Variants in ZDHHC3 observed in about 807,000 individuals in gnomAD.
The protein encoded by ZDHHC3 is zDHHC palmitoyltransferase 3.
In ZDHHC3, 9 loss-of-function variants were observed where a neutral mutation model predicts 30.6. The ratio of observed to expected loss-of-function variants is 0.29; its 90% CI spans 0.18 to 0.51. The LOEUF is 0.51. Among genes scored for constraint, ZDHHC3 ranks in the 20% least tolerant of loss-of-function variants. The probability of loss-of-function intolerance (pLI) is 0.97; values close to 1 mark genes in which losing one functional copy is unlikely to be tolerated. For synonymous variants in ZDHHC3, 136 were observed against 140.2 expected (o/e 0.97, Z 0.21); for missense variants, 246 against 384.2 (o/e 0.64, Z 3.01).
chr3:44,947,646 G>A (rs1009668563), intron 2 of ZDHHC3, among the ~76,000 whole-genome samples: 3 of 152,200 alleles, frequency 2.0e-5, no homozygotes, highest in Non-Finnish European at 4.4e-5. Flanking sequence ...AACTACAGAT[G>A]CCTAGACTCT....
chr3:44,966,917 T>G (rs905010114), intron 1 of ZDHHC3, among the ~76,000 whole-genome samples: 3 of 152,142 alleles, frequency 2.0e-5, no homozygotes, highest in African/African-American at 4.8e-5. Context: ...GTGCCTTATC[T>G]TCTGCGGCAC....
At chr3:44,961,197 C>T (rs764225095) in intron 1 of ZDHHC3, among the ~76,000 whole-genome samples, 1 of 152,178 alleles carries the variant, frequency 6.6e-6, no homozygotes, top group Non-Finnish European at 1.5e-5. Flanking sequence ...TTGAGACCAT[C>T]CTGGCTAACA....
At chr3:44,952,060 C>T (rs1228019974) in intron 2 of ZDHHC3, among the ~76,000 whole-genome samples, 3 of 152,198 alleles carry the variant, frequency 2.0e-5, no homozygotes, top group Non-Finnish European at 4.4e-5. Context: ...CCAACTCAGA[C>T]CTCTTGAATC....
chr3:44,927,323 G>A (rs149710026), intron 6 of ZDHHC3, among the ~76,000 whole-genome samples: 2 of 152,312 alleles, frequency 1.3e-5, no homozygotes, highest in African/African-American at 4.8e-5. Flanking sequence ...TAGGAAGTTT[G>A]AAGCTACCAT....
Position 44,919,363 on chromosome 3 carries a change from C to T in ZDHHC3, c.*7326G>A, listed in dbSNP as rs962509451. On this transcript the variant is annotated 3_prime_UTR_variant, in exon 7 of 7. Transcript: ENST00000424952. ...CTAATCATGAGAAAAACATCAAAAA[C>T]ACAATCTGAAGGACAGCCTACAGAA... 1 of 153,746 alleles carries T rather than the reference C, an allele frequency of 6.5e-6. No individual in the cohort carries two copies. Among genetic ancestry groups the T allele is most frequent in the African/African-American group, 2.4e-5 (1 of 41,468 alleles). 9.5% of individuals were successfully genotyped at this position (153,746 alleles called of 1,614,324 possible). A position where few individuals can be genotyped will look rare whatever the true frequency, so the allele number is the denominator to read the frequency against.
Position 44,918,009 on chromosome 3 carries a change from G to T in ZDHHC3, c.*8680C>A, listed in dbSNP as rs759507353. On this transcript the variant is annotated 3_prime_UTR_variant, in exon 7 of 7. Coordinates refer to ENST00000424952, the MANE Select transcript of ZDHHC3 (RefSeq NM_001135179.2). ...GCCGCACCATGTCTTTGTCACTGGG[G>T]ATCTCTGGCTGACACGGTCTGGAGA... is the stretch of plus-strand genomic sequence containing the variant. The T allele has an allele frequency of 7.7e-7, 1 of 1,305,466 alleles. No individual in the cohort carries two copies. Among genetic ancestry groups the T allele is most frequent in the South Asian group, 1.2e-5 (1 of 81,030 alleles). The allele number at this position is 1,305,466 out of a possible 1,614,324, so 80.9% of individuals were successfully genotyped here. A position where few individuals can be genotyped will look rare whatever the true frequency, so the allele number is the denominator to read the frequency against.
At chr3:44,955,467 A>ATT (rs1703864973) in intron 2 of ZDHHC3, among the ~76,000 whole-genome samples, 1 of 147,380 alleles carries the variant, frequency 6.8e-6, no homozygotes, top group African/African-American at 2.5e-5. Flanking sequence ...TTATATATAT[A>ATT]TATATATATG....
rs1253117651 is a variant in ZDHHC3 at position 44,920,251 on chromosome 3, C to G, written c.*6438G>C. On this transcript the variant is annotated 3_prime_UTR_variant, in exon 7 of 7. Coordinates refer to ENST00000424952, the MANE Select transcript of ZDHHC3 (RefSeq NM_001135179.2). ...GCTTCCTGACTGGCCCCTCGCCAGG[C>G]CTCCCTTCTTGGCACAGAAGCAGTG... The G allele has an allele frequency of 2.3e-6, 3 of 1,289,930 alleles. No individual in the cohort carries two copies. The highest frequency in any genetic ancestry group is 3.0e-6 in the Non-Finnish European group (3 of 988,906). The allele number at this position is 1,289,930 out of a possible 1,614,324, so 79.9% of individuals were successfully genotyped here. A position where few individuals can be genotyped will look rare whatever the true frequency, so the allele number is the denominator to read the frequency against.
At chr3:44,969,549 A>G (rs182825354) in intron 1 of ZDHHC3, 5 of 152,352 alleles carry the variant, frequency 3.3e-5, no homozygotes, top group Non-Finnish European at 7.3e-5. Flanking sequence ...TTGTCTAGTA[A>G]CTAGAAAATA....
intron 2 of ZDHHC3, among the ~76,000 whole-genome samples, chr3:44,946,360 C>T (rs1702932070): frequency 6.6e-6 from 1 of 152,158 alleles, no homozygotes; most frequent in South Asian, 2.1e-4. Flanking sequence ...CCCATCCAAA[C>T]AGAAGGAAAA....
chr3:44,923,823 A>C lies in ZDHHC3; in HGVS notation c.*2866T>G, dbSNP rs184612070. ...GTCTCAAACAAAAAAGAGGAAGTAC[A>C]GTATGAAGAAGACAAAATGGTGGGA... On this transcript the variant is annotated 3_prime_UTR_variant, in exon 7 of 7. Coordinates refer to ENST00000424952, the MANE Select transcript of ZDHHC3 (RefSeq NM_001135179.2). 68 of 985,416 alleles carry C rather than the reference A, an allele frequency of 6.9e-5. No homozygotes were observed. The Admixed American group carries it at 1.8e-3, about 26-fold the overall frequency. 61.0% of individuals were successfully genotyped at this position (985,416 alleles called of 1,614,324 possible). A position where few individuals can be genotyped will look rare whatever the true frequency, so the allele number is the denominator to read the frequency against.
Position 44,920,621 on chromosome 3 carries a change from T to C in ZDHHC3, c.*6068A>G, listed in dbSNP as rs1700527898. ...AGAACTGGAACCAGAACTAGTGTCT[T>C]TTTTTCTGCCCAACAGGTTTCCAGT... On this transcript the variant is annotated 3_prime_UTR_variant, in exon 7 of 7. Transcript: ENST00000424952. The C allele has an allele frequency of 2.0e-6, 2 of 985,280 alleles. No individual in the cohort carries two copies. Among genetic ancestry groups the C allele is most frequent in the Non-Finnish European group, 2.4e-6 (2 of 829,944 alleles). The allele number at this position is 985,280 out of a possible 1,614,324, so 61.0% of individuals were successfully genotyped here.
intron 2 of ZDHHC3, among the ~76,000 whole-genome samples, chr3:44,948,066 T>C (rs527769150): frequency 6.6e-6 from 1 of 152,212 alleles, no homozygotes; most frequent in Non-Finnish European, 1.5e-5. Flanking sequence ...GCTCCACTCC[T>C]CAGTAGGCAC....
chr3:44,960,179 GGCAGAGAGA>G (rs1704347807), intron 1 of ZDHHC3, among the ~76,000 whole-genome samples: 1 of 152,214 alleles, frequency 6.6e-6, no homozygotes, highest in Admixed American at 6.5e-5. Flanking sequence ...GGCAAGGAGA[GGCAGAGAGA>G]AGGGGAGAGA....
At chr3:44,939,909 C>T (rs1463127950) in intron 3 of ZDHHC3, among the ~76,000 whole-genome samples, 1 of 152,150 alleles carries the variant, frequency 6.6e-6, no homozygotes, top group African/African-American at 2.4e-5. Context: ...ATATGAAATG[C>T]CAAACCCACA....
At chr3:44,927,768 G>A (rs1272966225) in intron 6 of ZDHHC3, among the ~76,000 whole-genome samples, 14 of 152,262 alleles carry the variant, frequency 9.2e-5, no homozygotes, top group Admixed American at 9.2e-4. Flanking sequence ...CCTGCCCAGA[G>A]GGAAAGGACA....
At chr3:44,947,565 G>A (rs1045073009) in intron 2 of ZDHHC3, among the ~76,000 whole-genome samples, 1 of 152,226 alleles carries the variant, frequency 6.6e-6, no homozygotes, top group African/African-American at 2.4e-5. Context: ...TACTGCCACA[G>A]ATAAAGTGCT....
Position 44,922,938 on chromosome 3 carries a change from G to A in ZDHHC3, c.*3751C>T. 1 of 985,256 alleles carries A rather than the reference G, an allele frequency of 1.0e-6. No individual in the cohort carries two copies. The highest frequency in any genetic ancestry group is 1.2e-6 in the Non-Finnish European group (1 of 829,906). The allele number at this position is 985,256 out of a possible 1,614,324, so 61.0% of individuals were successfully genotyped here. On this transcript the variant is annotated 3_prime_UTR_variant, in exon 7 of 7. Transcript: ENST00000424952. ...GGGGCGCCTTCCCCTCTACTGGCTG[G>A]CTCACCCTTTAAGCTGATGCACTGC...
At position 44,942,188 on chromosome 3, in the gene ZDHHC3, T is replaced by C. The variant is rs115922446; in HGVS notation, c.431+2980A>G. On this transcript the variant is annotated intron_variant, in intron 3 of 6. Transcript: ENST00000424952. ...GTATGTGCACACATGCACCTTTGCCTGAGCGGGCAAGGTCGACATCAACTT... is the reference window on the plus strand; with the variant it reads ...GTATGTGCACACATGCACCTTTGCCCGAGCGGGCAAGGTCGACATCAACTT... Among the ~76,000 whole-genome samples the C allele has an allele frequency of 8.6e-3, 1,312 of 152,352 alleles. 22 individuals are homozygous for C. The highest frequency in any genetic ancestry group is 0.03 in the African/African-American group (1,227 of 41,578).
Sources: allele counts gnomAD v4.1 joint callset (sites outside exome capture counted in the v4.1 genomes callset), GRCh38; gene constraint gnomAD v4.1.1; transcripts MANE v1.5; gene names NCBI Gene and HGNC (gene_info 2026-07-23, HGNC 2026-07-21).